GPC5: variants seen among roughly 807,000 people sequenced by gnomAD.
GPC5 encodes the protein glypican 5, also known as glypican-5.
In GPC5, 47 loss-of-function variants were observed where a neutral mutation model predicts 53.9. The ratio of observed to expected loss-of-function variants is 0.87; its 90% CI spans 0.69 to 1.11. The LOEUF (loss-of-function observed/expected upper bound fraction) is 1.11, where lower values mean the gene tolerates loss of function less well. Among genes scored for constraint, GPC5 ranks in the 50% most tolerant of loss-of-function variants. The pLI is 0.00. For missense variants in GPC5, 748 were observed against 713.1 expected (o/e 1.05, Z -0.56); for synonymous variants, 286 against 263.3 (o/e 1.09, Z -0.84).
chr13:92,518,163 G>A (rs1880870515), intron 7 of GPC5, among the ~76,000 whole-genome samples: 1 of 152,176 alleles, frequency 6.6e-6, no homozygotes, highest in Non-Finnish European at 1.5e-5. Context: ...TGTTGTCCCT[G>A]AAAGTGAGGG....
intron 7 of GPC5, among the ~76,000 whole-genome samples, chr13:92,319,913 AGTC>A (rs2139221446): frequency 6.6e-6 from 1 of 152,298 alleles, no homozygotes; most frequent in Admixed American, 6.5e-5. Flanking sequence ...TATATACATT[AGTC>A]ATTTAATTTG....
intron 7 of GPC5, among the ~76,000 whole-genome samples, chr13:92,747,210 C>T (rs532490941): frequency 1.8e-4 from 27 of 152,212 alleles, no homozygotes; most frequent in East Asian, 9.7e-4. Context: ...ATTGGCCTAA[C>T]GGTTATTTGT....
chr13:91,990,160 TA>T (rs1414473086), intron 6 of GPC5, among the ~76,000 whole-genome samples: 1 of 152,226 alleles, frequency 6.6e-6, no homozygotes, highest in African/African-American at 2.4e-5. Context: ...AGTCTATTTT[TA>T]TAGCTATTTT....
chr13:92,063,600 C>T (rs1019786585), intron 6 of GPC5, among the ~76,000 whole-genome samples: 1 of 152,022 alleles, frequency 6.6e-6, no homozygotes, highest in East Asian at 1.9e-4. Context: ...TGAAAATTAA[C>T]ACTGCAGCAG....
chr13:91,607,471 A>T (rs2033408725), intron 2 of GPC5, among the ~76,000 whole-genome samples: 1 of 152,190 alleles, frequency 6.6e-6, no homozygotes, highest in Admixed American at 6.5e-5. Context: ...ATGTAACTAG[A>T]CAGCCTCCCT....
In GPC5 at chr13:92,646,929, C is replaced by CGTGTGTGTGTGTGT. The variant is rs372426651; in HGVS notation, c.1562-219353_1562-219352insGTGTGTGTGTGTGT. 3.9e-4 allele frequency among the ~76,000 whole-genome samples: 53 copies of CGTGTGTGTGTGTGT among 135,142 alleles called. 1 individual carries two copies. Among genetic ancestry groups the CGTGTGTGTGTGTGT allele is most frequent in the South Asian group, 7.2e-4 (3 of 4,158 alleles). The allele number at this position is 135,142 out of a possible 152,430, so 88.7% of individuals were successfully genotyped here. A position where few individuals can be genotyped will look rare whatever the true frequency, so the allele number is the denominator to read the frequency against. On this transcript the variant is annotated intron_variant, in intron 7 of 7. Coordinates refer to ENST00000377067, the MANE Select transcript of GPC5 (RefSeq NM_004466.6). The stretch of plus-strand genomic sequence containing the variant: ...ACATATATATGTAAATATATATAAA[C>CGTGTGTGTGTGTGT]ATGTGTGTGTGTGTGTGTGTGTGTG...
chr13:92,206,062 A>T (rs1393925939), intron 7 of GPC5, among the ~76,000 whole-genome samples: 2 of 138,370 alleles, frequency 1.4e-5, no homozygotes, highest in African/African-American at 2.7e-5. Flanking sequence ...AAAAAAAAAA[A>T]ACCCAACAAC....
intron 6 of GPC5, among the ~76,000 whole-genome samples, chr13:92,106,539 C>T (rs528368146): frequency 6.6e-6 from 1 of 151,874 alleles, no homozygotes; most frequent in Non-Finnish European, 1.5e-5. Context: ...TAAAAATTGT[C>T]TTAGAGTTCA....
chr13:92,241,233 A>G (rs1288759928), intron 7 of GPC5: 1 of 152,218 alleles, frequency 6.6e-6, no homozygotes, highest in East Asian at 1.9e-4. Context: ...GCACACTAAA[A>G]AATAAGTAGT....
At chr13:92,559,932 A>G (rs936439606) in intron 7 of GPC5, among the ~76,000 whole-genome samples, 3 of 150,984 alleles carry the variant, frequency 2.0e-5, no homozygotes, top group East Asian at 2.0e-4. Context: ...CTCTTCAGGC[A>G]CCCAAGAGTT....
intron 6 of GPC5, among the ~76,000 whole-genome samples, chr13:91,940,778 C>T (rs2039919155): frequency 6.6e-6 from 1 of 151,920 alleles, no homozygotes; most frequent in Admixed American, 6.6e-5. Flanking sequence ...TGTTTATTGG[C>T]CTTTTGTATG....
At chr13:91,710,694 G>A (rs2036206081) in intron 3 of GPC5, among the ~76,000 whole-genome samples, 1 of 152,132 alleles carries the variant, frequency 6.6e-6, no homozygotes, top group Non-Finnish European at 1.5e-5. Flanking sequence ...CCAGGGCCTG[G>A]GGCAGGACTG....
At chr13:91,709,044 A>C (rs912688828) in intron 3 of GPC5, among the ~76,000 whole-genome samples, 3 of 152,334 alleles carry the variant, frequency 2.0e-5, no homozygotes, top group African/African-American at 7.2e-5. Context: ...AGTCTGATAC[A>C]TTTAAGTAAG....
rs1042883200 is a variant in GPC5 at position 92,756,556 on chromosome 13, C to T, written c.1562-109726C>T. ...AAGTCAAATTGTCCCTGTTTGCAGA[C>T]GACATGATTGTATATCTAGAAAACC... On this transcript the variant is annotated intron_variant, in intron 7 of 7. Transcript: ENST00000377067. Among the ~76,000 whole-genome samples, 1,335 of 150,926 alleles carry T rather than the reference C, an allele frequency of 8.8e-3. 15 individuals are homozygous for T. The highest frequency in any genetic ancestry group is 0.029 in the African/African-American group (1,202 of 41,034).
At chr13:92,671,874 G>A (rs1421671575) in intron 7 of GPC5, among the ~76,000 whole-genome samples, 1 of 152,168 alleles carries the variant, frequency 6.6e-6, no homozygotes, top group African/African-American at 2.4e-5. Context: ...GTGCAGGGTG[G>A]ATTAGAAATG....
intron 7 of GPC5, among the ~76,000 whole-genome samples, chr13:92,467,789 T>C (rs191063157): frequency 6.6e-6 from 1 of 152,130 alleles, no homozygotes; most frequent in Admixed American, 6.6e-5. Flanking sequence ...AACTTTAAAT[T>C]CCCTCCCCGA....
Position 92,850,725 on chromosome 13 carries a change from A to T in GPC5, c.1562-15557A>T, listed in dbSNP as rs142815340. Among the ~76,000 whole-genome samples, 426 of 152,274 alleles carry T rather than the reference A, an allele frequency of 2.8e-3. 2 individuals are homozygous for T. The highest frequency in any genetic ancestry group is 9.7e-3 in the African/African-American group (403 of 41,530). On this transcript the variant is annotated intron_variant, in intron 7 of 7. Coordinates refer to ENST00000377067, the MANE Select transcript of GPC5 (RefSeq NM_004466.6). ...GTAACGAGGAGTTATCCCTTCCTCCACTCCAAACCAACAGGTGTCTGTCTC... is the reference window on the plus strand; with the variant it reads ...GTAACGAGGAGTTATCCCTTCCTCCTCTCCAAACCAACAGGTGTCTGTCTC...
intron 2 of GPC5, among the ~76,000 whole-genome samples, chr13:91,452,364 T>C (rs921373338): frequency 6.6e-6 from 1 of 152,150 alleles, no homozygotes; most frequent in African/African-American, 2.4e-5. Context: ...TGAAGTATTT[T>C]ATAGGGCAGA....
At chr13:92,060,514 T>C (rs1281726596) in intron 6 of GPC5, among the ~76,000 whole-genome samples, 1 of 152,064 alleles carries the variant, frequency 6.6e-6, no homozygotes, top group African/African-American at 2.4e-5. Context: ...AAAATCTCTT[T>C]AAGCATAAGT....
Sources: allele counts gnomAD v4.1 joint callset (sites outside exome capture counted in the v4.1 genomes callset), GRCh38; gene constraint gnomAD v4.1.1; transcripts MANE v1.5; gene names NCBI Gene and HGNC (gene_info 2026-07-23, HGNC 2026-07-21).